The following PHLPP1 variants were observed in gnomAD, a reference collection of about 807,000 sequenced individuals.
PHLPP1 encodes PH domain and leucine rich repeat protein phosphatase 1.
A neutral mutation model predicts 117.2 loss-of-function variants in PHLPP1; 42 were observed. The ratio of observed to expected loss-of-function variants is 0.36; its 90% CI spans 0.28 to 0.46. The LOEUF (loss-of-function observed/expected upper bound fraction) is 0.46. Among genes scored for constraint, PHLPP1 ranks in the 20% least tolerant of loss-of-function variants. The pLI is 1.00. For synonymous variants in PHLPP1, 1,042 were observed against 970.7 expected, an observed-to-expected ratio of 1.07 and a Z score of -1.37; for missense variants, 2,084 against 2,241.9, an observed-to-expected ratio of 0.93 and a Z score of 1.42.
At position 62,716,992 on chromosome 18, in the gene PHLPP1, G is replaced by GTTC. The variant is rs756781543; in HGVS notation, c.1309_1310insTTC (p.Glu437delinsValGln). ...GGCCGTCCGCGAGGGGTCGTGCGAG[G>GTTC]AGAAGGCAGCGGCAGCCGTGGCCCC... On this transcript the variant is annotated protein_altering_variant, in exon 1 of 17. Coordinates refer to ENST00000262719, the MANE Select transcript of PHLPP1 (RefSeq NM_194449.4). The surrounding 1 kb of genome is among the most constrained non-coding windows in gnomAD (Gnocchi z 5.7). 2.6e-6 allele frequency: 4 copies of GTTC among 1,542,708 alleles called. 1 individual carries two copies. In the South Asian group the frequency reaches 4.8e-5, roughly 18 times the overall value.
intron 10 of PHLPP1, among the ~76,000 whole-genome samples, chr18:62,930,701 T>C (rs1213637525): frequency 1.3e-5 from 2 of 152,216 alleles, no homozygotes; most frequent in Non-Finnish European, 2.9e-5. Context: ...ACCTAATAGA[T>C]GTCTAGAATA....
At chr18:62,766,060 C>CAAAAAAAAAAAAAA (rs1168861892) in intron 1 of PHLPP1, among the ~76,000 whole-genome samples, 33 of 15,224 alleles carry the variant, frequency 2.2e-3, no homozygotes, top group African/African-American at 7.0e-3. Context: ...GACTCCATCT[C>CAAAAAAAAAAAAAA]AAAAAAAAAA....
At chr18:62,853,080 A>T (rs1240086784) in intron 3 of PHLPP1, among the ~76,000 whole-genome samples, 2 of 152,192 alleles carry the variant, frequency 1.3e-5, no homozygotes, top group Admixed American at 6.5e-5. Context: ...TATGTTAGAA[A>T]TGTGTGGCCA....
At chr18:62,872,628 G>T (rs1915931901) in intron 4 of PHLPP1, among the ~76,000 whole-genome samples, 1 of 151,956 alleles carries the variant, frequency 6.6e-6, no homozygotes, top group South Asian at 2.1e-4. Flanking sequence ...GGAGGTGGAG[G>T]TTGCAGTGAG....
chr18:62,796,302 T>C (rs905171988), intron 1 of PHLPP1, among the ~76,000 whole-genome samples: 4 of 152,204 alleles, frequency 2.6e-5, no homozygotes, highest in Non-Finnish European at 5.9e-5. Flanking sequence ...GTGTTATTGT[T>C]TTTACCATTT....
chr18:62,873,115 G>T (rs1268435454), intron 4 of PHLPP1, among the ~76,000 whole-genome samples: 1 of 151,958 alleles, frequency 6.6e-6, no homozygotes, highest in Admixed American at 6.6e-5. Context: ...AGCGTATTCT[G>T]CAGTCCTTCA....
At chr18:62,787,321 T>C (rs1845288856) in intron 1 of PHLPP1, among the ~76,000 whole-genome samples, 1 of 152,038 alleles carries the variant, frequency 6.6e-6, no homozygotes, top group Non-Finnish European at 1.5e-5. Context: ...CACGTGCCGC[T>C]ACTGCCTGGC....
chr18:62,971,412 A>G (rs1599147701), intron 14 of PHLPP1, among the ~76,000 whole-genome samples: 1 of 147,670 alleles, frequency 6.8e-6, no homozygotes, highest in Non-Finnish European at 1.5e-5. Context: ...CATTTTGGAC[A>G]GTTTCTGGGA....
intron 14 of PHLPP1, among the ~76,000 whole-genome samples, chr18:62,971,707 TG>T (rs2057030203): frequency 6.6e-6 from 1 of 152,130 alleles, no homozygotes; most frequent in Admixed American, 6.5e-5. Context: ...ATTGTCCAGT[TG>T]GGGTTTGTTT....
intron 8 of PHLPP1, among the ~76,000 whole-genome samples, chr18:62,913,222 T>G (rs1467405671): frequency 1.3e-5 from 2 of 152,162 alleles, no homozygotes; most frequent in Non-Finnish European, 2.9e-5. Context: ...GAAGTTTTAA[T>G]TTTTGTATGT....
At chr18:62,871,008 G>GT (rs1288102445) in intron 4 of PHLPP1, among the ~76,000 whole-genome samples, 1 of 151,978 alleles carries the variant, frequency 6.6e-6, no homozygotes, top group Non-Finnish European at 1.5e-5. Flanking sequence ...ATAATACATT[G>GT]TTTATCTCTT....
intron 1 of PHLPP1, among the ~76,000 whole-genome samples, chr18:62,762,298 C>T (rs550245401): frequency 1.8e-4 from 27 of 150,214 alleles, no homozygotes; most frequent in Admixed American, 1.6e-3. Context: ...GACACTGAAC[C>T]CAAGTCTTTT....
rs1914481126 is a variant in PHLPP1, at chr18:62,822,265, G to GTTTTTTTTTGTTTTGTTTTTTTTTTTTT, written c.1577-7761_1577-7760insGTTTTGTTTTTTTTTTTTTTTTTTTTTT. Among the ~76,000 whole-genome samples the GTTTTTTTTTGTTTTGTTTTTTTTTTTTT allele has an allele frequency of 1.7e-5, 2 of 116,180 alleles. 1 individual carries two copies. Among genetic ancestry groups the GTTTTTTTTTGTTTTGTTTTTTTTTTTTT allele is most frequent in the Non-Finnish European group, 3.8e-5 (2 of 52,318 alleles). The allele number at this position is 116,180 out of a possible 152,430, so 76.2% of individuals were successfully genotyped here. A position where few individuals can be genotyped will look rare whatever the true frequency, so the allele number is the denominator to read the frequency against. ...ATATAGAGGATCTGTAGAAAATAGTGTTTTTTTTTTTTTTGTTTTTGTTTT... is the reference window on the plus strand; with the variant it reads ...ATATAGAGGATCTGTAGAAAATAGTGTTTTTTTTTGTTTTGTTTTTTTTTTTTTTTTTTTTTTTTTTTGTTTTTGTTTT... On this transcript the variant is annotated intron_variant, in intron 1 of 16. Coordinates refer to ENST00000262719, the MANE Select transcript of PHLPP1 (RefSeq NM_194449.4).
At chr18:62,821,819 T>A (rs1914467061) in intron 1 of PHLPP1, among the ~76,000 whole-genome samples, 2 of 151,838 alleles carry the variant, frequency 1.3e-5, no homozygotes, top group South Asian at 4.2e-4. Flanking sequence ...TGGTGCTGTT[T>A]CGGCTCACTG....
In PHLPP1 at chr18:62,879,146, A is replaced by G. The variant is rs1916114776; in HGVS notation, c.2067-15865A>G. On this transcript the variant is annotated intron_variant, in intron 4 of 16. Transcript: ENST00000262719. The stretch of plus-strand genomic sequence containing the variant: ...TGATGTGTTGGAAACATAATCCCCC[A>G]TGCAACAGTATTAAGAGGTGGGACT... 2.0e-5 allele frequency among the ~76,000 whole-genome samples: 3 copies of G among 152,158 alleles called. No individual in the cohort carries two copies. In the South Asian group the frequency reaches 6.2e-4, roughly 32 times the overall value.
chr18:62,732,237 G>A (rs1911246826), intron 1 of PHLPP1, among the ~76,000 whole-genome samples: 1 of 152,150 alleles, frequency 6.6e-6, no homozygotes, highest in Non-Finnish European at 1.5e-5. Flanking sequence ...TCAAAGGATA[G>A]GCTGACTCTC....
intron 1 of PHLPP1, among the ~76,000 whole-genome samples, chr18:62,822,265 G>GTTTTTTTTTGTTTTGT (rs1914481126): frequency 1.7e-5 from 2 of 116,224 alleles, no homozygotes; most frequent in Non-Finnish European, 3.8e-5. Flanking sequence ...AGAAAATAGT[G>GTTTTTTTTTGTTTTGT]TTTTTTTTTT....
intron 1 of PHLPP1, chr18:62,824,336 G>A: frequency 1.0e-5 from 4 of 383,490 alleles, no homozygotes; most frequent in South Asian, 7.9e-5. Flanking sequence ...GAATTCAAGT[G>A]TCCATTAGCA....
rs766865462 is a variant in PHLPP1, at chr18:62,978,777, C to T, written c.4500C>T (p.Pro1500=). The change falls in exon 17 of 17, where the codon CCC becomes CCT. Residue 1500 remains proline (P), a synonymous_variant. Transcript: ENST00000262719. This position sits in a 1 kb window ranked among gnomAD's most constrained non-coding sequence, Gnocchi z 7.0. ...CAACAGCCTCCGATGAGCCCCCGCC[C>T]GGAGCCCTAAGCGAGAACAGCCCTG... ...VGSTASDEPP[P]GALSENSPAY... is the part of the protein sequence containing the mutation. The T allele has an allele frequency of 1.9e-5, 30 of 1,612,640 alleles. 1 individual carries two copies. The Middle Eastern group carries it at 8.2e-4, about 44-fold the overall frequency.
Sources: allele counts gnomAD v4.1 joint callset (sites outside exome capture counted in the v4.1 genomes callset), GRCh38; gene constraint gnomAD v4.1.1; non-coding constraint Gnocchi (gnomAD v3.1); transcripts MANE v1.5; gene names NCBI Gene and HGNC (gene_info 2026-07-23, HGNC 2026-07-21).